Variants in KDM4B observed in about 807,000 individuals in gnomAD.
KDM4B encodes the protein lysine demethylase 4B, also known as lysine-specific demethylase 4B.
A neutral mutation model predicts 125.2 loss-of-function variants in KDM4B; 32 were observed. The observed-to-expected ratio is 0.26, with a 90% CI of 0.19 to 0.34. KDM4B has a LOEUF of 0.34. Among genes scored for constraint, KDM4B ranks in the 10% least tolerant of loss-of-function variants. The pLI is 1.00. For synonymous variants in KDM4B, 721 were observed against 677.9 expected, an observed-to-expected ratio of 1.06 and a Z score of -0.99; for missense variants, 1,190 against 1,577.7, an observed-to-expected ratio of 0.75 and a Z score of 4.16.
At chr19:5,061,861 C>A (rs1223485652) in intron 6 of KDM4B, among the ~76,000 whole-genome samples, 4 of 151,186 alleles carry the variant, frequency 2.6e-5, no homozygotes, top group Admixed American at 6.6e-5. Context: ...CAACAAAAAA[C>A]AACAACAAAA....
At chr19:5,053,611 C>T (rs2037300907) in intron 6 of KDM4B, among the ~76,000 whole-genome samples, 1 of 152,256 alleles carries the variant, frequency 6.6e-6, no homozygotes, top group African/African-American at 2.4e-5. Context: ...AGCCCATGGT[C>T]CCTGGGAGCC....
chr19:4,998,710 T>C (rs923237428), intron 1 of KDM4B, among the ~76,000 whole-genome samples: 14 of 152,234 alleles, frequency 9.2e-5, no homozygotes, highest in Non-Finnish European at 1.5e-5. Context: ...TCAGTCGTCT[T>C]GCCTGTCGGT....
At chr19:5,010,840 G>T (rs1363487399) in intron 1 of KDM4B, among the ~76,000 whole-genome samples, 1 of 152,078 alleles carries the variant, frequency 6.6e-6, no homozygotes, top group African/African-American at 2.4e-5. Context: ...TAGAGATGGG[G>T]TTTCACCATG....
rs2038324986 is a variant in KDM4B at position 5,082,329 on chromosome 19, G to C, written c.781-38G>C. The stretch of plus-strand genomic sequence containing the variant: ...ACGTCCCATCCCCTGGTGCGCCTCT[G>C]GTGGCCCTGCCCTCACCTGTCTCCT... On this transcript the variant is annotated intron_variant, in intron 8 of 22. Transcript: ENST00000159111. The surrounding 1 kb of genome is among the most constrained non-coding windows in gnomAD (Gnocchi z 5.4). 1.9e-6 allele frequency: 3 copies of C among 1,611,858 alleles called. No individual in the cohort carries two copies. Among genetic ancestry groups the C allele is most frequent in the Non-Finnish European group, 2.5e-6 (3 of 1,179,366 alleles).
At chr19:5,015,842 C>A (rs1264337083) in intron 1 of KDM4B, among the ~76,000 whole-genome samples, 3 of 152,346 alleles carry the variant, frequency 2.0e-5, no homozygotes, top group East Asian at 1.9e-4. Flanking sequence ...CCCTGCCCCC[C>A]TCTCTCCCCG....
chr19:5,088,663 C>A (rs571483036), intron 9 of KDM4B, among the ~76,000 whole-genome samples: 2 of 105,980 alleles, frequency 1.9e-5, no homozygotes, highest in African/African-American at 6.8e-5. Context: ...AGGCCCCCCC[C>A]CTCCCCCCCC....
rs760425561 is a variant in KDM4B at position 5,119,827 on chromosome 19, C to A, written c.1290C>A (p.His430Gln). Reference sequence around the variant, plus strand: ...AGGAGGAGCCGCAGCCACTGCCACACGGCCGGGAGGCCGAGGGCGCAGAAG... The same window carrying A: ...AGGAGGAGCCGCAGCCACTGCCACAAGGCCGGGAGGCCGAGGGCGCAGAAG... ...EEEEEPQPLP[H>Q]GREAEGAEED... Residue 430 changes from histidine to glutamine, a missense_variant, in exon 11 of 23, where the codon CAC becomes CAA. By Grantham distance (24) the His-to-Gln change is conservative (BLOSUM62 0). Around this residue, in one of 7 missense-constraint regions of KDM4B, gnomAD observed 428 missense variants for 405.1 expected, o/e 1.06. Transcript: ENST00000159111. 2 of 1,544,420 alleles carry A rather than the reference C, an allele frequency of 1.3e-6. No homozygotes were observed. The highest frequency in any genetic ancestry group is 1.7e-6 in the Non-Finnish European group (2 of 1,145,116).
intron 10 of KDM4B, chr19:5,111,985 C>A: frequency 1.6e-6 from 1 of 610,740 alleles, no homozygotes; most frequent in Non-Finnish European, 3.0e-6. Context: ...CAGGCACGAT[C>A]GCTCACACCT....
rs2038296840 is a variant in KDM4B at position 5,081,610 on chromosome 19, A to G, written c.781-757A>G. 6.6e-6 allele frequency among the ~76,000 whole-genome samples: 1 copy of G among 152,116 alleles called. No individual in the cohort carries two copies. Among genetic ancestry groups the G allele is most frequent in the African/African-American group, 2.4e-5 (1 of 41,432 alleles). ...ACCTGCAAAGTCGAATGGGCCGAAC[A>G]TCCGAATTGGACCTGGGTCTGGAAG... On this transcript the variant is annotated intron_variant, in intron 8 of 22. Transcript: ENST00000159111. This position sits in a 1 kb window ranked among gnomAD's most constrained non-coding sequence, Gnocchi z 4.2.
At chr19:5,061,201 T>C (rs1488634210) in intron 6 of KDM4B, among the ~76,000 whole-genome samples, 1 of 152,222 alleles carries the variant, frequency 6.6e-6, no homozygotes, top group Non-Finnish European at 1.5e-5. Flanking sequence ...CTCCGCCTGC[T>C]GCTCCGCTTT....
intron 11 of KDM4B, among the ~76,000 whole-genome samples, chr19:5,121,071 CA>C (rs2039351690): frequency 6.6e-6 from 1 of 152,178 alleles, no homozygotes; most frequent in Non-Finnish European, 1.5e-5. Context: ...TCCCACCTGC[CA>C]GGGGCAGCCG....
intron 7 of KDM4B, among the ~76,000 whole-genome samples, chr19:5,072,757 C>G (rs149565311): frequency 6.6e-6 from 1 of 152,342 alleles, no homozygotes; most frequent in East Asian, 1.9e-4. Flanking sequence ...TTCTGGAGGT[C>G]AGGAGTCTAA....
intron 2 of KDM4B, among the ~76,000 whole-genome samples, chr19:5,016,876 T>C (rs1040099480): frequency 6.6e-6 from 1 of 152,226 alleles, no homozygotes; most frequent in Non-Finnish European, 1.5e-5. Flanking sequence ...GAGGTGCCTC[T>C]GGTGGCAGCC....
chr19:5,010,849 T>TCTG (rs2035706205), intron 1 of KDM4B, among the ~76,000 whole-genome samples: 1 of 152,186 alleles, frequency 6.6e-6, no homozygotes, highest in African/African-American at 2.4e-5. Context: ...GGTTTCACCA[T>TCTG]GTTGCACAGG....
At chr19:5,033,757 T>G (rs2036531782) in intron 3 of KDM4B, among the ~76,000 whole-genome samples, 1 of 152,058 alleles carries the variant, frequency 6.6e-6, no homozygotes, top group Non-Finnish European at 1.5e-5. Context: ...CTTCTCTCTC[T>G]CTCTCTCGGC....
chr19:5,146,131 G>A (rs1434009779), intron 21 of KDM4B, among the ~76,000 whole-genome samples: 2 of 126,038 alleles, frequency 1.6e-5, no homozygotes, highest in African/African-American at 6.1e-5. Context: ...GGCCGACCCC[G>A]CCCAGTCACC....
In KDM4B at chr19:5,137,581, C is replaced by T. The variant is rs375528302; in HGVS notation, c.2386-40C>T. On this transcript the variant is annotated intron_variant, in intron 16 of 22. Transcript: ENST00000159111. ...CCCCAAGCAGTGTGTGGGGAGCCTG[C>T]TCCGAGCCCTGCTCATCCAGGGCTG... 174 of 1,582,278 alleles carry T rather than the reference C, an allele frequency of 1.1e-4. 2 individuals carry two copies. In the South Asian group the frequency reaches 1.8e-3, roughly 16 times the overall value.
intron 1 of KDM4B, among the ~76,000 whole-genome samples, chr19:4,978,725 G>A (rs1379745942): frequency 6.6e-6 from 1 of 152,118 alleles, no homozygotes; most frequent in Non-Finnish European, 1.5e-5. Context: ...TGTGCCTGTC[G>A]CTGGCTCAGG....
chr19:5,106,654 C>T (rs1185472092), intron 9 of KDM4B, among the ~76,000 whole-genome samples: 2 of 152,242 alleles, frequency 1.3e-5, no homozygotes, highest in African/African-American at 4.8e-5. Context: ...CGCTGGCAAG[C>T]GGCACTGTCC....
Sources: gnomAD v4.1 joint callset for allele counts (sites outside exome capture counted in the v4.1 genomes callset) on GRCh38, gnomAD v4.1.1 for gene constraint, gnomAD v4.1.1 regional missense constraint, Gnocchi (gnomAD v3.1) non-coding constraint, MANE v1.5 for transcripts, NCBI Gene and HGNC (gene_info 2026-07-23, HGNC 2026-07-21) for gene names.